Variants in ZSWIM5 observed in about 807,000 individuals in gnomAD.
ZSWIM5 encodes the protein zinc finger SWIM domain-containing protein 5.
Under a neutral mutation model 119.6 loss-of-function variants are expected in ZSWIM5, and 55 were observed. The ratio of observed to expected loss-of-function variants is 0.46; its 90% CI spans 0.37 to 0.58. The LOEUF (loss-of-function observed/expected upper bound fraction) is 0.58, where lower values mean the gene tolerates loss of function less well. Ranked by LOEUF, ZSWIM5 falls within the 20% of genes least tolerant of loss-of-function variation. ZSWIM5 has a pLI of 0.00. For missense variants in ZSWIM5, 1,193 were observed against 1,512.8 expected (o/e 0.79, Z 3.51); for synonymous variants, 537 against 606.9 (o/e 0.88, Z 1.69).
At chr1:45,131,434 A>C (rs553851140) in intron 1 of ZSWIM5, among the ~76,000 whole-genome samples, 3 of 152,244 alleles carry the variant, frequency 2.0e-5, no homozygotes, top group African/African-American at 7.2e-5. Context: ...CATTTAAATC[A>C]AAATCACAGC....
intron 5 of ZSWIM5, among the ~76,000 whole-genome samples, chr1:45,044,810 T>TATATATATATATAA (rs1645043091): frequency 9.1e-5 from 1 of 10,994 alleles, no homozygotes; most frequent in African/African-American, 3.3e-4. Flanking sequence ...TATAAATATA[T>TATATATATATATAA]ATATATATAT....
chr1:45,179,576 C>A lies in ZSWIM5; in HGVS notation c.595+26180G>T, dbSNP rs61564383. On this transcript the variant is annotated intron_variant, in intron 1 of 13. Coordinates refer to ENST00000359600, the MANE Select transcript of ZSWIM5 (RefSeq NM_020883.2). ...AATATTCCTTTGTAGCAAACCTGCA[C>A]ATGTGCCCCCCCAATTCTAAAATAA... Among the ~76,000 whole-genome samples, 1,021 of 152,210 alleles carry A rather than the reference C, an allele frequency of 6.7e-3. 14 individuals are homozygous for A. The highest frequency in any genetic ancestry group is 0.022 in the African/African-American group (913 of 41,540).
At chr1:45,063,218 T>C (rs546166765) in intron 2 of ZSWIM5, among the ~76,000 whole-genome samples, 1 of 152,356 alleles carries the variant, frequency 6.6e-6, no homozygotes, top group Non-Finnish European at 1.5e-5. Flanking sequence ...CTTTATCCAA[T>C]CCACTGCTGT....
At chr1:45,188,584 T>C (rs1334810854) in intron 1 of ZSWIM5, among the ~76,000 whole-genome samples, 1 of 152,194 alleles carries the variant, frequency 6.6e-6, no homozygotes, top group African/African-American at 2.4e-5. Flanking sequence ...GGATGAGTTA[T>C]ACAGTACATG....
At chr1:45,087,752 A>G (rs778622978) in intron 2 of ZSWIM5, 129 bp downstream of exon 2, 5 of 695,514 alleles carry the variant, frequency 7.2e-6, no homozygotes, top group African/African-American at 1.8e-5. Context: ...AAGTTAAGTG[A>G]TTGCAACTGC....
At chr1:45,084,490 T>C (rs1189072714) in intron 2 of ZSWIM5, among the ~76,000 whole-genome samples, 2 of 152,234 alleles carry the variant, frequency 1.3e-5, no homozygotes, top group African/African-American at 2.4e-5. Flanking sequence ...AACTCAAAAG[T>C]CCACCATCCA....
chr1:45,030,012 A>G (rs1396111997), intron 11 of ZSWIM5, among the ~76,000 whole-genome samples: 3 of 152,088 alleles, frequency 2.0e-5, no homozygotes, highest in Admixed American at 2.0e-4. Context: ...CAGTGGCACG[A>G]TAGCTCACTG....
At chr1:45,119,775 G>A (rs1410195124) in intron 1 of ZSWIM5, among the ~76,000 whole-genome samples, 1 of 152,150 alleles carries the variant, frequency 6.6e-6, no homozygotes, top group African/African-American at 2.4e-5. Flanking sequence ...ACCTAGCACA[G>A]TCTGGTAGTA....
intron 1 of ZSWIM5, among the ~76,000 whole-genome samples, chr1:45,185,555 A>T (rs1222275995): frequency 6.6e-6 from 1 of 151,966 alleles, no homozygotes; most frequent in Non-Finnish European, 1.5e-5. Context: ...AATTTACAAG[A>T]AAAAAAACAA....
rs541052542 is a variant in ZSWIM5, at chr1:45,206,297, C to T, written c.54G>A (p.Pro18=). ...TGGGCCACGAACACTGCCGCTTAGC[C>T]GGAGAGACCGGTGACGGCGAGAGCA... is the stretch of plus-strand genomic sequence containing the variant. ...EELLSPSPVS[P]AKRQCSWPSP... Residue 18 remains proline (P), a synonymous_variant, in exon 1 of 14, where the codon CCG becomes CCA. Transcript: ENST00000359600. 3 of 1,557,354 alleles carry T rather than the reference C, an allele frequency of 1.9e-6. No homozygotes were observed. Among genetic ancestry groups the T allele is most frequent in the African/African-American group, 1.4e-5 (1 of 73,422 alleles).
At chr1:45,115,814 G>A (rs984480032) in intron 1 of ZSWIM5, among the ~76,000 whole-genome samples, 7 of 151,956 alleles carry the variant, frequency 4.6e-5, no homozygotes, top group South Asian at 4.2e-4. Context: ...GACGATGGGC[G>A]GCCAGGCAGA....
chr1:45,155,128 T>C (rs1645819401), intron 1 of ZSWIM5, among the ~76,000 whole-genome samples: 1 of 151,820 alleles, frequency 6.6e-6, no homozygotes, highest in African/African-American at 2.4e-5. Context: ...ATCTTCACGA[T>C]CTATACATCC....
chr1:45,164,221 A>T (rs1410109501), intron 1 of ZSWIM5, among the ~76,000 whole-genome samples: 2 of 152,194 alleles, frequency 1.3e-5, no homozygotes, highest in Non-Finnish European at 2.9e-5. Flanking sequence ...AGCCAAACTA[A>T]GCTTCACAGG....
intron 2 of ZSWIM5, among the ~76,000 whole-genome samples, chr1:45,068,022 C>T (rs1019200237): frequency 2.6e-5 from 4 of 151,090 alleles, no homozygotes; most frequent in African/African-American, 4.9e-5. Flanking sequence ...TCAGCCTCCA[C>T]GTAAGCATTG....
At chr1:45,086,753 C>T (rs1413305980) in intron 2 of ZSWIM5, among the ~76,000 whole-genome samples, 1 of 151,840 alleles carries the variant, frequency 6.6e-6, no homozygotes, top group Non-Finnish European at 1.5e-5. Flanking sequence ...ACACCTCGTG[C>T]ACATGTACCC....
intron 1 of ZSWIM5, among the ~76,000 whole-genome samples, chr1:45,198,065 C>T (rs1194530034): frequency 6.6e-6 from 1 of 152,214 alleles, no homozygotes; most frequent in Admixed American, 6.5e-5. Context: ...CTTGTTTGTG[C>T]TCTAATCGAG....
chr1:45,200,646 T>A (rs796161848), intron 1 of ZSWIM5, among the ~76,000 whole-genome samples: 13 of 152,346 alleles, frequency 8.5e-5, no homozygotes, highest in African/African-American at 3.1e-4. Context: ...CATCATTTTT[T>A]ATCAAGAATG....
intron 1 of ZSWIM5, among the ~76,000 whole-genome samples, chr1:45,196,034 G>GTTTT (rs34236930): frequency 5.8e-5 from 6 of 103,948 alleles, no homozygotes; most frequent in African/African-American, 1.8e-4. Context: ...CACCCAGCTA[G>GTTTT]TTTTTTTTTT....
intron 1 of ZSWIM5, among the ~76,000 whole-genome samples, chr1:45,105,392 G>C (rs1023865397): frequency 6.6e-6 from 1 of 152,148 alleles, no homozygotes; most frequent in Non-Finnish European, 1.5e-5. Context: ...AGTGAGCAGC[G>C]TCTCTGCCCG....
Sources: allele counts gnomAD v4.1 joint callset (sites outside exome capture counted in the v4.1 genomes callset), GRCh38; gene constraint gnomAD v4.1.1; transcripts MANE v1.5; gene names NCBI Gene and HGNC (gene_info 2026-07-23, HGNC 2026-07-21).